The following PCDH15 variants were observed in gnomAD, a reference collection of about 807,000 sequenced individuals.
PCDH15 encodes protocadherin related 15.
A neutral mutation model predicts 178.5 loss-of-function variants in PCDH15; 129 were observed. The observed-to-expected ratio is 0.72, with a 90% CI of 0.63 to 0.84. The LOEUF is 0.84. Among genes scored for constraint, PCDH15 ranks in the 40% least tolerant of loss-of-function variants. The pLI, the probability that PCDH15 is intolerant of heterozygous loss-of-function variation, is 0.00. For missense variants in PCDH15, 2,230 were observed against 2,099.9 expected (o/e 1.06, Z -1.21); for synonymous variants, 800 against 732.0 (o/e 1.09, Z -1.50).
chr10:55,049,299 C>G (rs1841096030), intron 2 of PCDH15, among the ~76,000 whole-genome samples: 1 of 151,810 alleles, frequency 6.6e-6, no homozygotes. Flanking sequence ...ATGTCACTTT[C>G]TTGAACACAG....
At chr10:55,541,134 T>C (rs1240874847) in intron 2 of PCDH15, among the ~76,000 whole-genome samples, 1 of 152,070 alleles carries the variant, frequency 6.6e-6, no homozygotes, top group Non-Finnish European at 1.5e-5. Context: ...AGGCTAAGAA[T>C]ACATATTCAT....
intron 3 of PCDH15, among the ~76,000 whole-genome samples, chr10:54,438,792 C>A (rs1355343091): frequency 6.6e-6 from 1 of 152,036 alleles, no homozygotes; most frequent in Non-Finnish European, 1.5e-5. Context: ...TTTTTGAGCT[C>A]TCTTCCTATT....
chr10:54,687,032 A>G (rs66642687), intron 1 of PCDH15, among the ~76,000 whole-genome samples: 32,266 of 151,968 alleles, frequency 0.21, 3,722 homozygotes, highest in Middle Eastern at 0.28. Context: ...AAAAATGTTC[A>G]ATGTCCCTAA....
At chr10:54,519,177 C>G (rs886517257) in intron 3 of PCDH15, among the ~76,000 whole-genome samples, 1 of 152,144 alleles carries the variant, frequency 6.6e-6, no homozygotes, top group Non-Finnish European at 1.5e-5. Flanking sequence ...TCTCTCACCA[C>G]TCCTATTCAA....
chr10:55,561,194 C>T (rs1287620001), intron 2 of PCDH15, among the ~76,000 whole-genome samples: 1 of 151,692 alleles, frequency 6.6e-6, no homozygotes, highest in Non-Finnish European at 1.5e-5. Context: ...CTAAAAAGAC[C>T]TTTGAAAACT....
chr10:53,948,521 C>T (rs576269268), intron 23 of PCDH15, among the ~76,000 whole-genome samples: 2 of 152,110 alleles, frequency 1.3e-5, no homozygotes, highest in East Asian at 3.9e-4. Context: ...AAAAGTTTAC[C>T]AGAGGTAAAA....
At position 55,519,828 on chromosome 10, in the gene PCDH15, T is replaced by C. The variant is rs1342815243; in HGVS notation, c.-156+107797A>G. Reference sequence around the variant, plus strand: ...TATAAATGTCAAGCAACTTCTTTGTTGTTACTTAAAACCTAAGCATATGAT... The same window carrying C: ...TATAAATGTCAAGCAACTTCTTTGTCGTTACTTAAAACCTAAGCATATGAT... On this transcript the variant is annotated intron_variant, in intron 2 of 5. Transcript: ENST00000613346. Among the ~76,000 whole-genome samples the C allele has an allele frequency of 2.6e-5, 4 of 151,342 alleles. No individual in the cohort carries two copies. The East Asian group carries it at 7.8e-4, about 29-fold the overall frequency.
intron 2 of PCDH15, among the ~76,000 whole-genome samples, chr10:55,089,962 A>T (rs1462392865): frequency 6.6e-6 from 1 of 152,010 alleles, no homozygotes; most frequent in African/African-American, 2.4e-5. Context: ...GTGTGGGGGG[A>T]GGTATAAAAC....
At chr10:54,373,524 T>C (rs1404366754) in intron 4 of PCDH15, among the ~76,000 whole-genome samples, 1 of 151,924 alleles carries the variant, frequency 6.6e-6, no homozygotes, top group East Asian at 1.9e-4. Context: ...AAAAAGAAAA[T>C]ATCAATTTGT....
intron 10 of PCDH15, among the ~76,000 whole-genome samples, chr10:54,205,382 G>A (rs188367559): frequency 2.9e-4 from 44 of 152,068 alleles, no homozygotes; most frequent in African/African-American, 1.1e-3. Flanking sequence ...ATTTATGTAA[G>A]GGAATTCTCT....
intron 2 of PCDH15, among the ~76,000 whole-genome samples, chr10:54,930,981 A>AC (rs763332832): frequency 0.13 from 20,454 of 152,164 alleles, 1,553 homozygotes; most frequent in East Asian, 0.23. Flanking sequence ...AGCATGATTG[A>AC]TGGCATGATT....
intron 1 of PCDH15, among the ~76,000 whole-genome samples, chr10:54,758,210 T>G (rs1947414167): frequency 6.6e-6 from 1 of 152,230 alleles, no homozygotes; most frequent in Non-Finnish European, 1.5e-5. Context: ...CTTTAAATGG[T>G]TCGACTTATA....
intron 2 of PCDH15, among the ~76,000 whole-genome samples, chr10:55,090,727 T>A (rs1219005202): frequency 6.6e-6 from 1 of 152,008 alleles, no homozygotes; most frequent in Non-Finnish European, 1.5e-5. Context: ...CATACAGAGA[T>A]TTTGAAGAAC....
At chr10:54,761,745 A>G (rs1947907732) in intron 1 of PCDH15, among the ~76,000 whole-genome samples, 1 of 151,694 alleles carries the variant, frequency 6.6e-6, no homozygotes, top group South Asian at 2.1e-4. Context: ...GTTAAGGGGT[A>G]ATTCTCCAAA....
rs567722133 is a variant in PCDH15 at position 54,052,653 on chromosome 10, T to C, written c.2220+14104A>G. The stretch of plus-strand genomic sequence containing the variant: ...CTTAGGACTTGGACTTTTGGGTTAA[T>C]GCTGCAATGACTTAAGACTTTGGGG... On this transcript the variant is annotated intron_variant, in intron 18 of 37. Coordinates refer to ENST00000644397, the MANE Select transcript of PCDH15 (RefSeq NM_001384140.1). 2.6e-5 allele frequency among the ~76,000 whole-genome samples: 4 copies of C among 152,298 alleles called. No homozygotes were observed. The East Asian group carries it at 7.7e-4, about 29-fold the overall frequency.
At chr10:55,488,293 C>A (rs1256290049) in intron 2 of PCDH15, among the ~76,000 whole-genome samples, 2 of 151,524 alleles carry the variant, frequency 1.3e-5, no homozygotes, top group African/African-American at 2.4e-5. Context: ...ACGTGAGGCT[C>A]ATTTTCTCAA....
intron 2 of PCDH15, among the ~76,000 whole-genome samples, chr10:55,093,510 T>C (rs1842368936): frequency 2.6e-5 from 4 of 152,136 alleles, no homozygotes; most frequent in Admixed American, 2.6e-4. Context: ...ATTTCGGCTT[T>C]TGTTGCCATT....
chr10:54,630,201 T>C (rs1258274907), intron 2 of PCDH15, among the ~76,000 whole-genome samples: 1 of 152,154 alleles, frequency 6.6e-6, no homozygotes, highest in Non-Finnish European at 1.5e-5. Flanking sequence ...AGAGCTTGAA[T>C]AGCTAAAGCA....
intron 2 of PCDH15, among the ~76,000 whole-genome samples, chr10:54,568,176 GA>G (rs1176665501): frequency 6.6e-6 from 1 of 151,838 alleles, no homozygotes; most frequent in African/African-American, 2.4e-5. Context: ...AATTAAACAT[GA>G]TAAGTACTTC....
Sources: allele counts gnomAD v4.1 joint callset (sites outside exome capture counted in the v4.1 genomes callset), GRCh38; gene constraint gnomAD v4.1.1; transcripts MANE v1.5; gene names NCBI Gene and HGNC (gene_info 2026-07-23, HGNC 2026-07-21).